MBOAT2: variants seen among roughly 807,000 people sequenced by gnomAD.
The protein encoded by MBOAT2 is membrane bound glycerophospholipid O-acyltransferase 2, also known as membrane-bound glycerophospholipid O-acyltransferase 2.
Under a neutral mutation model 63.4 loss-of-function variants are expected in MBOAT2, and 28 were observed. That is an observed-to-expected ratio of 0.44 (90% CI 0.33 to 0.61). MBOAT2 has a LOEUF of 0.61. MBOAT2 is among the 20% of genes least tolerant of loss of function. The probability of loss-of-function intolerance (pLI) is 0.03; values close to 1 mark genes in which losing one functional copy is unlikely to be tolerated. For synonymous variants in MBOAT2, 211 were observed against 215.6 expected (o/e 0.98, Z 0.19); for missense variants, 470 against 605.8 (o/e 0.78, Z 2.35).
At chr2:8,997,799 G>A (rs1433785971) in intron 1 of MBOAT2, among the ~76,000 whole-genome samples, 1 of 152,154 alleles carries the variant, frequency 6.6e-6, no homozygotes, top group Non-Finnish European at 1.5e-5. Context: ...CACAAGGCTG[G>A]CAGAGTCTGG....
chr2:8,861,756 T>C (rs1661515341), intron 11 of MBOAT2, among the ~76,000 whole-genome samples: 1 of 152,200 alleles, frequency 6.6e-6, no homozygotes, highest in Admixed American at 6.5e-5. Flanking sequence ...ACACCTATGC[T>C]ACTTAGTATT....
intron 1 of MBOAT2, among the ~76,000 whole-genome samples, chr2:8,985,331 T>TCTA (rs1671489158): frequency 6.6e-6 from 1 of 152,206 alleles, no homozygotes. Context: ...GGTTCTTTAT[T>TCTA]CTATCAAACT....
intron 2 of MBOAT2, among the ~76,000 whole-genome samples, chr2:8,943,826 T>C (rs1668221419): frequency 1.3e-5 from 2 of 152,244 alleles, no homozygotes; most frequent in South Asian, 4.1e-4. Context: ...TTAATTTTAA[T>C]TTGCTGTAAC....
chr2:8,901,848 G>T (rs1558593392), intron 4 of MBOAT2, among the ~76,000 whole-genome samples: 1 of 152,228 alleles, frequency 6.6e-6, no homozygotes, highest in Admixed American at 6.5e-5. Flanking sequence ...ATCAGAGACA[G>T]GGAGTGGTTT....
At chr2:8,928,326 G>A (rs111587996) in intron 3 of MBOAT2, among the ~76,000 whole-genome samples, 10 of 152,138 alleles carry the variant, frequency 6.6e-5, no homozygotes, top group Non-Finnish European at 1.0e-4. Flanking sequence ...CACTAGACAA[G>A]AGAGTTAAAA....
chr2:8,947,945 T>TA, intron 2 of MBOAT2, among the ~76,000 whole-genome samples: 1 of 152,342 alleles, frequency 6.6e-6, no homozygotes, highest in Admixed American at 6.5e-5. Flanking sequence ...CTGCCATAGA[T>TA]AGTGATTCCT....
rs1328484622 is a variant in MBOAT2, at chr2:8,853,684, G to A, written c.*4995C>T. On this transcript the variant is annotated 3_prime_UTR_variant, in exon 13 of 13. Coordinates refer to ENST00000305997, the MANE Select transcript of MBOAT2 (RefSeq NM_138799.4). ...ACATGGCTGGAGATGGCTATGAATC[G>A]CTGAGTAAGCTTCAGACAGCGGTTC... 1.3e-5 allele frequency: 2 copies of A among 152,132 alleles called. No homozygotes were observed. Among genetic ancestry groups the A allele is most frequent in the Non-Finnish European group, 2.9e-5 (2 of 68,022 alleles). 9.4% of individuals were successfully genotyped at this position (152,132 alleles called of 1,614,324 possible). A position where few individuals can be genotyped will look rare whatever the true frequency, so the allele number is the denominator to read the frequency against.
intron 1 of MBOAT2, among the ~76,000 whole-genome samples, chr2:8,996,683 C>T (rs1282839660): frequency 6.6e-6 from 1 of 152,218 alleles, no homozygotes; most frequent in Non-Finnish European, 1.5e-5. Flanking sequence ...CTCCTTCCTT[C>T]CCTCTTGACC....
intron 3 of MBOAT2, among the ~76,000 whole-genome samples, chr2:8,910,814 A>G (rs1665659209): frequency 6.6e-6 from 1 of 152,214 alleles, no homozygotes; most frequent in African/African-American, 2.4e-5. Flanking sequence ...TTAGACTGAA[A>G]AGGAGAGACA....
At chr2:8,934,139 T>G (rs761079767) in intron 3 of MBOAT2, among the ~76,000 whole-genome samples, 1 of 152,176 alleles carries the variant, frequency 6.6e-6, no homozygotes, top group Non-Finnish European at 1.5e-5. Flanking sequence ...CTAAGGGAAC[T>G]GAGAATATTT....
intron 1 of MBOAT2, among the ~76,000 whole-genome samples, chr2:8,971,814 T>C (rs1670476517): frequency 6.6e-6 from 1 of 152,128 alleles, no homozygotes; most frequent in African/African-American, 2.4e-5. Context: ...TTACAAGGGA[T>C]GTGAAGGACC....
At chr2:8,950,790 T>C (rs1179767906) in intron 2 of MBOAT2, among the ~76,000 whole-genome samples, 1 of 152,200 alleles carries the variant, frequency 6.6e-6, no homozygotes, top group Non-Finnish European at 1.5e-5. Flanking sequence ...TGATGGCTCT[T>C]GGTATTTTGA....
intron 1 of MBOAT2, among the ~76,000 whole-genome samples, chr2:8,986,819 C>T (rs1447355969): frequency 6.6e-5 from 10 of 152,206 alleles, no homozygotes; most frequent in Admixed American, 6.5e-4. Flanking sequence ...TCGCCAAGAA[C>T]GCATCTAGAA....
At chr2:8,927,447 C>G (rs1667006429) in intron 3 of MBOAT2, among the ~76,000 whole-genome samples, 1 of 152,058 alleles carries the variant, frequency 6.6e-6, no homozygotes, top group Non-Finnish European at 1.5e-5. Flanking sequence ...AGCCGAAACC[C>G]ATCAATTAAA....
intron 5 of MBOAT2, among the ~76,000 whole-genome samples, chr2:8,886,077 C>T (rs964886502): frequency 6.6e-6 from 1 of 152,214 alleles, no homozygotes; most frequent in African/African-American, 2.4e-5. Flanking sequence ...TGCTTTCCTT[C>T]TGGGAGCCTG....
intron 2 of MBOAT2, among the ~76,000 whole-genome samples, chr2:8,955,876 C>T (rs1259068181): frequency 2.0e-5 from 3 of 152,136 alleles, no homozygotes; most frequent in Non-Finnish European, 4.4e-5. Context: ...CCATCAACAT[C>T]AAAGCAAGAC....
At chr2:8,860,271 G>GT (rs1366774492) in intron 12 of MBOAT2, among the ~76,000 whole-genome samples, 1 of 151,790 alleles carries the variant, frequency 6.6e-6, no homozygotes, top group Non-Finnish European at 1.5e-5. Context: ...AAGCTAACAA[G>GT]TTTTTTGTTA....
chr2:8,860,780 A>G lies in MBOAT2; in HGVS notation c.1186-16T>C. 3.9e-6 allele frequency: 6 copies of G among 1,543,550 alleles called. No homozygotes were observed. The highest frequency in any genetic ancestry group is 5.3e-6 in the Non-Finnish European group (6 of 1,127,414). ...TATTTCTCATCTGAAATAAAGAAAC[A>G]AAAACATTTGCTGTATCTTTAAATT... On this transcript the variant is annotated splice_polypyrimidine_tract_variant and intron_variant, in intron 11 of 12. Transcript: ENST00000305997.
At chr2:8,893,779 A>C (rs1664202020) in intron 4 of MBOAT2, among the ~76,000 whole-genome samples, 1 of 152,214 alleles carries the variant, frequency 6.6e-6, no homozygotes, top group African/African-American at 2.4e-5. Context: ...AGAGTCATTT[A>C]GTTTGGGCCT....
Sources: allele counts gnomAD v4.1 joint callset (sites outside exome capture counted in the v4.1 genomes callset), GRCh38; gene constraint gnomAD v4.1.1; transcripts MANE v1.5; gene names NCBI Gene and HGNC (gene_info 2026-07-23, HGNC 2026-07-21).